Variants in PLSCR2 observed in about 807,000 individuals in gnomAD.
The protein encoded by PLSCR2 is PL scramblase 2.
Under a neutral mutation model 25.3 loss-of-function variants are expected in PLSCR2, and 18 were observed. The ratio of observed to expected loss-of-function variants is 0.71; its 90% CI spans 0.49 to 1.06. The LOEUF (loss-of-function observed/expected upper bound fraction) is 1.06. Among genes scored for constraint, PLSCR2 ranks in the 50% least tolerant of loss-of-function variants. PLSCR2 has a pLI of 0.00. For synonymous variants in PLSCR2, 88 were observed against 87.3 expected, an observed-to-expected ratio of 1.01 and a Z score of -0.04; for missense variants, 243 against 269.5, an observed-to-expected ratio of 0.90 and a Z score of 0.69.
intron 1 of PLSCR2, among the ~76,000 whole-genome samples, chr3:146,484,239 A>G (rs914118650): frequency 7.3e-5 from 11 of 150,586 alleles, no homozygotes; most frequent in Non-Finnish European, 1.3e-4. Context: ...AAGATTAGAG[A>G]AAAAAGAATG....
chr3:146,460,059 G>C lies in PLSCR2; in HGVS notation c.-155C>G, dbSNP rs572425835. 5.7e-6 allele frequency: 9 copies of C among 1,566,668 alleles called. No homozygotes were observed. In the East Asian group the frequency reaches 1.9e-4, roughly 33 times the overall value. On this transcript the variant is annotated 5_prime_UTR_variant, in exon 2 of 7. Coordinates refer to ENST00000610787, the Ensembl canonical transcript of PLSCR2. ...CCCAGTGTGTCCAGCCTGGTGCTTA[G>C]GGTAGACAATATGTCCGGGAGGTCC...
At chr3:146,398,250 T>G (rs1372489656) in intron 2 of PLSCR2, among the ~76,000 whole-genome samples, 1 of 151,874 alleles carries the variant, frequency 6.6e-6, no homozygotes, top group Non-Finnish European at 1.5e-5. Context: ...AGAAGTAAAT[T>G]AGTAAGCACC....
intron 2 of PLSCR2, among the ~76,000 whole-genome samples, chr3:146,459,327 TC>T (rs2041414748): frequency 6.6e-6 from 1 of 152,218 alleles, no homozygotes; most frequent in South Asian, 2.1e-4. Flanking sequence ...ACTTTACATG[TC>T]TTTTAAGTGT....
At chr3:146,397,463 A>C (rs2107984835) in intron 2 of PLSCR2, among the ~76,000 whole-genome samples, 1 of 152,176 alleles carries the variant, frequency 6.6e-6, no homozygotes, top group African/African-American at 2.4e-5. Flanking sequence ...CTACTACTTT[A>C]TCTCTTTCCT....
At chr3:146,402,810 A>C (rs1006946684) in intron 2 of PLSCR2, among the ~76,000 whole-genome samples, 1 of 152,148 alleles carries the variant, frequency 6.6e-6, no homozygotes, top group Non-Finnish European at 1.5e-5. Flanking sequence ...CAGGTTGAGT[A>C]TAGAATTTCT....
chr3:146,493,151 T>C (rs2043611793), intron 1 of PLSCR2, among the ~76,000 whole-genome samples: 1 of 151,930 alleles, frequency 6.6e-6, no homozygotes, highest in Admixed American at 6.6e-5. Flanking sequence ...GATCCAAAAC[T>C]GAATGAGTAA....
At chr3:146,395,309 G>A (rs554093416) in intron 3 of PLSCR2, among the ~76,000 whole-genome samples, 2 of 152,278 alleles carry the variant, frequency 1.3e-5, no homozygotes, top group Admixed American at 6.5e-5. Flanking sequence ...AAGTATATAA[G>A]TTGTGAGAAA....
chr3:146,459,216 T>C (rs1458374853), intron 2 of PLSCR2, among the ~76,000 whole-genome samples: 5 of 152,140 alleles, frequency 3.3e-5, no homozygotes. Context: ...GAAAAAAGCA[T>C]CATAAAAATG....
intron 5 of PLSCR2, 143 bp downstream of exon 5, chr3:146,453,859 T>A: frequency 1.7e-6 from 1 of 577,656 alleles, no homozygotes. Context: ...ACCTCCACTC[T>A]GACCAAAGTT....
intron 3 of PLSCR2, 40 bp from the exon 4 acceptor site, chr3:146,455,499 T>G (rs772305314): frequency 6.8e-6 from 8 of 1,179,416 alleles, no homozygotes; most frequent in Non-Finnish European, 8.8e-6. Flanking sequence ...TACGTTAAAA[T>G]GATTGAACCT....
chr3:146,459,812 T>C, intron 2 of PLSCR2, 36 bp downstream of exon 2: 1 of 1,422,944 alleles, frequency 7.0e-7, no homozygotes, highest in Non-Finnish European at 9.7e-7. Context: ...AGAGAGTTTT[T>C]TTTTTTTTCT....
chr3:146,463,191 T>C (rs536340838), upstream of PLSCR2, among the ~76,000 whole-genome samples: 9 of 152,326 alleles, frequency 5.9e-5, no homozygotes, highest in South Asian at 1.7e-3. Context: ...GGTATTTCTT[T>C]TTTTTCTTTT....
chr3:146,475,205 G>A (rs552887802), intron 1 of PLSCR2, among the ~76,000 whole-genome samples: 2 of 151,914 alleles, frequency 1.3e-5, no homozygotes, highest in Admixed American at 1.3e-4. Flanking sequence ...GCAATCATTT[G>A]GGGGGAGAAG....
intron 1 of PLSCR2, among the ~76,000 whole-genome samples, chr3:146,489,241 T>C (rs543168341): frequency 5.5e-4 from 83 of 152,200 alleles, no homozygotes; most frequent in African/African-American, 1.8e-3. Flanking sequence ...GATGGCTTGA[T>C]GGTTGCAGCA....
At chr3:146,401,018 A>G (rs1372182273) in intron 2 of PLSCR2, among the ~76,000 whole-genome samples, 1 of 152,008 alleles carries the variant, frequency 6.6e-6, no homozygotes, top group Non-Finnish European at 1.5e-5. Flanking sequence ...CTCAAAATGG[A>G]AGTAGATTTA....
chr3:146,402,399 ACTG>A (rs548465926), intron 2 of PLSCR2, among the ~76,000 whole-genome samples: 63 of 152,228 alleles, frequency 4.1e-4, no homozygotes, highest in African/African-American at 1.5e-3. Context: ...TTTTTCTCTC[ACTG>A]CTATTTTTGA....
At chr3:146,431,922 T>C (rs751608823), downstream of PLSCR2, among the ~76,000 whole-genome samples, 1 of 152,108 alleles carries the variant, frequency 6.6e-6, no homozygotes, top group African/African-American at 2.4e-5. Context: ...ATCTATGTGA[T>C]GCTGTGTCTT....
intron 1 of PLSCR2, among the ~76,000 whole-genome samples, chr3:146,487,550 A>G (rs1483997864): frequency 6.6e-6 from 1 of 152,186 alleles, no homozygotes; most frequent in Non-Finnish European, 1.5e-5. Context: ...GAGCCAGATC[A>G]TGAATGAACT....
chr3:146,469,782 C>T (rs879329204), intron 1 of PLSCR2, among the ~76,000 whole-genome samples: 7 of 103,316 alleles, frequency 6.8e-5, no homozygotes, highest in Admixed American at 2.0e-4. Context: ...CTGCACCCAC[C>T]CCCCCACGCC....
Sources: allele counts gnomAD v4.1 joint callset (sites outside exome capture counted in the v4.1 genomes callset), GRCh38; gene constraint gnomAD v4.1.1; transcripts MANE v1.5; gene names NCBI Gene and HGNC (gene_info 2026-07-23, HGNC 2026-07-21).